The following ZC3H13 variants were observed in gnomAD, a reference collection of about 807,000 sequenced individuals.
ZC3H13 encodes the protein zinc finger CCCH-type containing 13.
Under a neutral mutation model 204.1 loss-of-function variants are expected in ZC3H13, and 64 were observed. That is an observed-to-expected ratio of 0.31 (90% CI 0.26 to 0.39). The LOEUF (loss-of-function observed/expected upper bound fraction) is 0.39, where lower values mean the gene tolerates loss of function less well. ZC3H13 is among the 10% of genes least tolerant of loss of function. ZC3H13 has a pLI of 1.00. For synonymous variants in ZC3H13, 667 were observed against 693.7 expected, an observed-to-expected ratio of 0.96 and a Z score of 0.60; for missense variants, 1,833 against 2,082.7, an observed-to-expected ratio of 0.88 and a Z score of 2.33.
intron 11 of ZC3H13, among the ~76,000 whole-genome samples, chr13:45,977,859 T>C (rs759211578): frequency 2.6e-5 from 4 of 152,130 alleles, no homozygotes; most frequent in Non-Finnish European, 5.9e-5. Context: ...TGAAAGGCAA[T>C]TAAAATCAAA....
chr13:46,020,248 T>C (rs2042144198), intron 5 of ZC3H13, among the ~76,000 whole-genome samples: 1 of 152,144 alleles, frequency 6.6e-6, no homozygotes, highest in Non-Finnish European at 1.5e-5. Flanking sequence ...AATAAAAATA[T>C]GCAATGCAAA....
rs1566183714 is a variant in ZC3H13 at position 45,975,728 on chromosome 13, T to C, written c.2023A>G (p.Arg675Gly). 6.2e-7 allele frequency: 1 copy of C among 1,613,956 alleles called. No homozygotes were observed. The highest frequency in any genetic ancestry group is 1.1e-5 in the South Asian group (1 of 91,072). ...CGTTCCCGATCTCTCTCTCTAGCCCTTTCATCTCTCCTATCATCCACTCTG... is the reference window on the plus strand; with the variant it reads ...CGTTCCCGATCTCTCTCTCTAGCCCCTTCATCTCTCCTATCATCCACTCTG... ...VDRVDDRRDERARERDRERER... is the reference protein window; with the variant it reads ...VDRVDDRRDEGARERDRERER... Residue 675 changes from arginine (R) to glycine (G), a missense_variant, in exon 12 of 19, where the codon AGG (arginine) becomes GGG (glycine). By Grantham distance (125) the Arg-to-Gly change is moderately radical. This residue lies in a region of ZC3H13 where 1,574 missense variants were observed against 1,757.2 expected (regional missense o/e 0.90). Coordinates refer to ENST00000679008, the MANE Select transcript of ZC3H13 (RefSeq NM_001330564.2).
chr13:46,000,610 T>C (rs1476264222), intron 8 of ZC3H13, among the ~76,000 whole-genome samples: 1 of 152,236 alleles, frequency 6.6e-6, no homozygotes, highest in Non-Finnish European at 1.5e-5. Context: ...TGTGGCTGCT[T>C]TGATCTTTTA....
At chr13:46,029,776 T>G (rs573414328) in intron 4 of ZC3H13, among the ~76,000 whole-genome samples, 1 of 152,134 alleles carries the variant, frequency 6.6e-6, no homozygotes, top group Non-Finnish European at 1.5e-5. Flanking sequence ...ATTATCCTAA[T>G]TCTGAAACCA....
At chr13:45,995,543 C>T (rs1213830764) in intron 8 of ZC3H13, among the ~76,000 whole-genome samples, 1 of 152,172 alleles carries the variant, frequency 6.6e-6, no homozygotes, top group African/African-American at 2.4e-5. Context: ...ACAAACCCCA[C>T]ATATTTGGAA....
At position 46,006,376 on chromosome 13, in the gene ZC3H13, T is replaced by TA. The variant is rs1459445562; in HGVS notation, c.747-3041dup. Reference sequence around the variant, plus strand: ...AAATATAAAATAAAATAAAATAAAATAAAAATATAGTTGTTCACAGTTTTT... The same window carrying TA: ...AAATATAAAATAAAATAAAATAAAATAAAAAATATAGTTGTTCACAGTTTTT... On this transcript the variant is annotated intron_variant, in intron 7 of 18. Transcript: ENST00000679008. Among the ~76,000 whole-genome samples the TA allele has an allele frequency of 3.3e-5, 5 of 151,948 alleles. No individual in the cohort carries two copies. The East Asian group carries it at 9.7e-4, about 29-fold the overall frequency.
intron 11 of ZC3H13, among the ~76,000 whole-genome samples, chr13:45,979,479 AG>A (rs1406521343): frequency 1.3e-5 from 2 of 152,144 alleles, no homozygotes; most frequent in Non-Finnish European, 2.9e-5. Context: ...GTAAAGGTTT[AG>A]GTATTTCTTG....
intron 10 of ZC3H13, among the ~76,000 whole-genome samples, chr13:45,981,085 T>A (rs1041166): frequency 0.45 from 67,947 of 151,738 alleles, 15,787 homozygotes; most frequent in African/African-American, 0.55. Flanking sequence ...AAATGAAATT[T>A]AAAAAAAAGC....
chr13:45,963,579 C>G, intron 17 of ZC3H13: 4 of 1,221,458 alleles, frequency 3.3e-6, no homozygotes, highest in Non-Finnish European at 4.1e-6. Context: ...TGCAACACCA[C>G]GCCTGGCCTG....
At chr13:46,009,412 G>A (rs1360616242) in intron 7 of ZC3H13, among the ~76,000 whole-genome samples, 1 of 152,122 alleles carries the variant, frequency 6.6e-6, no homozygotes, top group Non-Finnish European at 1.5e-5. Flanking sequence ...GTTCACCTGT[G>A]TGGGTGGTGG....
intron 4 of ZC3H13, 120 bp from the exon 5 acceptor site, chr13:46,020,677 T>C: frequency 1.5e-6 from 1 of 681,816 alleles, no homozygotes; most frequent in Non-Finnish European, 2.3e-6. Context: ...ATCAGTTTTG[T>C]AAATAGTCAC....
intron 11 of ZC3H13, among the ~76,000 whole-genome samples, chr13:45,979,133 A>T (rs1776932302): frequency 6.6e-6 from 1 of 152,082 alleles, no homozygotes; most frequent in Non-Finnish European, 1.5e-5. Context: ...CCTTCATAAA[A>T]TTTTTAATGT....
At chr13:46,045,363 C>T in intron 2 of ZC3H13, 28 bp downstream of exon 2, 1 of 1,539,964 alleles carries the variant, frequency 6.5e-7, no homozygotes, top group Non-Finnish European at 9.0e-7. Flanking sequence ...CTAAGAGAAC[C>T]CCTGTGACTA....
chr13:46,039,712 A>G (rs2043444616), intron 4 of ZC3H13, among the ~76,000 whole-genome samples: 1 of 152,242 alleles, frequency 6.6e-6, no homozygotes, highest in Non-Finnish European at 1.5e-5. Flanking sequence ...TATTAAAAAC[A>G]AAGATAATAA....
rs1418270865 is a variant in ZC3H13 at position 45,964,040 on chromosome 13, G to T, written c.4477C>A (p.Pro1493Thr). The change falls in exon 17 of 19, where the codon CCC becomes ACC. Residue 1493 changes from proline (P) to threonine (T), a missense_variant and splice_region_variant. Coordinates refer to ENST00000679008, the MANE Select transcript of ZC3H13 (RefSeq NM_001330564.2). ...DQQDEEKMPD[P>T]LDVIDVDWSG... ...CAATCCACATCTATCACATCTAAGG[G>T]ATCTGTAAAAAGTTAAAAAGTAAGA... The T allele has an allele frequency of 1.2e-6, 2 of 1,606,310 alleles. No homozygotes were observed. The highest frequency in any genetic ancestry group is 1.7e-6 in the Non-Finnish European group (2 of 1,177,698).
Position 46,042,233 on chromosome 13 carries a change from C to T in ZC3H13, c.270G>A (p.Lys90=), listed in dbSNP as rs1353554183. The T allele has an allele frequency of 6.8e-6, 11 of 1,613,250 alleles. No homozygotes were observed. Among genetic ancestry groups the T allele is most frequent in the Non-Finnish European group, 8.5e-6 (10 of 1,179,454 alleles). ...RPTGDLRERM[K]NKRQDVDTEP... ...CAGTGTCCACGTCTTGGCGCTTGTT[C>T]TTCATTCTTTCTCTAAGATCCCCTG... The change falls in exon 4 of 19, where the codon AAG becomes AAA. Residue 90 remains lysine, a synonymous_variant. Transcript: ENST00000679008.
At chr13:45,957,419 T>C in intron 18 of ZC3H13, 122 bp from the exon 19 acceptor site, 1 of 987,256 alleles carries the variant, frequency 1.0e-6, no homozygotes, top group Non-Finnish European at 1.3e-6. Context: ...GGATATTAAA[T>C]TAGCTTTATT....
intron 1 of ZC3H13, among the ~76,000 whole-genome samples, chr13:46,049,205 A>G (rs2044227727): frequency 6.6e-6 from 1 of 152,010 alleles, no homozygotes; most frequent in South Asian, 2.1e-4. Flanking sequence ...CAAGAGTACC[A>G]TACTTTGTCC....
At chr13:46,036,619 C>T (rs1304993459) in intron 4 of ZC3H13, among the ~76,000 whole-genome samples, 2 of 151,860 alleles carry the variant, frequency 1.3e-5, no homozygotes, top group Non-Finnish European at 2.9e-5. Context: ...TTTTTAGGAA[C>T]CAGAAAAAGT....
Sources: gnomAD v4.1 joint callset for allele counts (sites outside exome capture counted in the v4.1 genomes callset) on GRCh38, gnomAD v4.1.1 for gene constraint, gnomAD v4.1.1 regional missense constraint, MANE v1.5 for transcripts, NCBI Gene and HGNC (gene_info 2026-07-23, HGNC 2026-07-21) for gene names.